INTS9: variants seen among roughly 807,000 people sequenced by gnomAD.
INTS9 encodes the protein integrator complex subunit 9.
A neutral mutation model predicts 79.7 loss-of-function variants in INTS9; 55 were observed. That is an observed-to-expected ratio of 0.69 (90% confidence interval 0.56 to 0.86). The LOEUF (loss-of-function observed/expected upper bound fraction) is 0.86, where lower values mean the gene tolerates loss of function less well. Ranked by LOEUF, INTS9 falls within the 40% of genes least tolerant of loss-of-function variation. The pLI is 0.00. For missense variants in INTS9, 721 were observed against 831.5 expected (o/e 0.87, Z 1.64); for synonymous variants, 319 against 325.2 (o/e 0.98, Z 0.20).
chr8:28,820,801 T>C (rs1805786200), intron 6 of INTS9, among the ~76,000 whole-genome samples: 1 of 152,064 alleles, frequency 6.6e-6, no homozygotes, highest in South Asian at 2.1e-4. Context: ...CATGGGCCAG[T>C]AGTGAGCATT....
intron 8 of INTS9, among the ~76,000 whole-genome samples, chr8:28,799,167 G>T (rs1804379588): frequency 6.6e-6 from 1 of 152,080 alleles, no homozygotes; most frequent in Non-Finnish European, 1.5e-5. Context: ...GTGCTGGCGG[G>T]CACCTGTAAT....
intron 1 of INTS9, among the ~76,000 whole-genome samples, chr8:28,878,411 C>T (rs1341194800): frequency 1.3e-5 from 2 of 151,206 alleles, no homozygotes; most frequent in Non-Finnish European, 2.9e-5. Flanking sequence ...CTCCTGGGCT[C>T]AAGTGGACCT....
chr8:28,875,957 C>T (rs1809360625), intron 1 of INTS9, among the ~76,000 whole-genome samples: 1 of 152,202 alleles, frequency 6.6e-6, no homozygotes, highest in Non-Finnish European at 1.5e-5. Context: ...CAGTCATCAA[C>T]ATAGTCATCA....
chr8:28,777,977 T>G (rs1185669824), intron 12 of INTS9, 24 bp from the exon 13 acceptor site: 10 of 1,592,030 alleles, frequency 6.3e-6, no homozygotes, highest in Non-Finnish European at 8.5e-6. Flanking sequence ...AAGAAAGAAA[T>G]CTTACAATGC....
Position 28,889,911 on chromosome 8 carries a change from C to A in INTS9, c.-29G>T. 6.2e-7 allele frequency: 1 copy of A among 1,605,328 alleles called. No homozygotes were observed. The highest frequency in any genetic ancestry group is 1.1e-5 in the South Asian group (1 of 90,542). ...GGACTTTTGGTGGTTCAATAGCAGT[C>A]ACTGAACTCCTCAAACCCAGGAAGC... is the stretch of plus-strand genomic sequence containing the variant. On this transcript the variant is annotated 5_prime_UTR_variant, in exon 1 of 17. Transcript: ENST00000521022.
At chr8:28,784,368 T>G (rs1335105888) in intron 11 of INTS9, among the ~76,000 whole-genome samples, 1 of 152,200 alleles carries the variant, frequency 6.6e-6, no homozygotes, top group Non-Finnish European at 1.5e-5. Flanking sequence ...CCACAAGATG[T>G]TTTGCCACAC....
intron 5 of INTS9, 123 bp downstream of exon 5, chr8:28,837,514 T>G: frequency 1.9e-6 from 2 of 1,037,290 alleles, no homozygotes; most frequent in Non-Finnish European, 2.7e-6. Flanking sequence ...CTCCTGCCTG[T>G]TCTTTGGGTT....
At chr8:28,802,188 C>T (rs1294077465) in intron 8 of INTS9, among the ~76,000 whole-genome samples, 1 of 152,146 alleles carries the variant, frequency 6.6e-6, no homozygotes, top group Non-Finnish European at 1.5e-5. Context: ...AATTCTAAGC[C>T]AGAGATTCTT....
intron 11 of INTS9, among the ~76,000 whole-genome samples, chr8:28,785,086 T>A (rs948986185): frequency 9.2e-5 from 14 of 152,246 alleles, no homozygotes; most frequent in African/African-American, 3.4e-4. Flanking sequence ...AGGTGAAGCA[T>A]TTTTAGCAGC....
chr8:28,870,075 C>T (rs1284626087), intron 1 of INTS9, among the ~76,000 whole-genome samples: 1 of 152,028 alleles, frequency 6.6e-6, no homozygotes, highest in Non-Finnish European at 1.5e-5. Flanking sequence ...ACATGTTTGG[C>T]TATCTGGAAC....
intron 16 of INTS9, 138 bp downstream of exon 16, chr8:28,769,751 A>T: frequency 8.8e-7 from 1 of 1,138,886 alleles, no homozygotes; most frequent in Non-Finnish European, 1.2e-6. Flanking sequence ...GCAGGACCTT[A>T]GACCAAACAG....
chr8:28,814,618 T>C (rs1422039811), intron 6 of INTS9, among the ~76,000 whole-genome samples: 4 of 152,158 alleles, frequency 2.6e-5, no homozygotes, highest in African/African-American at 9.7e-5. Context: ...TCAGCAGATG[T>C]CCCTTCTCCT....
At chr8:28,862,264 C>T (rs904288206) in intron 1 of INTS9, 4 of 962,362 alleles carry the variant, frequency 4.2e-6, no homozygotes, top group Non-Finnish European at 4.9e-6. Flanking sequence ...TCTACAATCA[C>T]ACCAATCTGA....
At chr8:28,865,195 G>C (rs1249203212) in intron 1 of INTS9, among the ~76,000 whole-genome samples, 1 of 151,998 alleles carries the variant, frequency 6.6e-6, no homozygotes, top group East Asian at 1.9e-4. Flanking sequence ...TGGGGACTGA[G>C]AGTTTTTACA....
chr8:28,795,062 C>T (rs1357291171), intron 9 of INTS9, among the ~76,000 whole-genome samples: 1 of 152,200 alleles, frequency 6.6e-6, no homozygotes, highest in Non-Finnish European at 1.5e-5. Flanking sequence ...ATTAGCATGG[C>T]TAAGTTTAAT....
At chr8:28,826,877 T>C (rs2131131053) in intron 6 of INTS9, among the ~76,000 whole-genome samples, 1 of 152,336 alleles carries the variant, frequency 6.6e-6, no homozygotes, top group Middle Eastern at 3.4e-3. Context: ...ATTTGGTAGT[T>C]ACTCAACAAG....
Position 28,788,977 on chromosome 8 carries a change from A to G in INTS9, c.1038-1088T>C, listed in dbSNP as rs528535688. Reference sequence around the variant, plus strand: ...TTTGAGGGGAGGAGCTCAGGACTTCAGGGCTTGGATTTTGTATTAATACAT... The same window carrying G: ...TTTGAGGGGAGGAGCTCAGGACTTCGGGGCTTGGATTTTGTATTAATACAT... On this transcript the variant is annotated intron_variant, in intron 10 of 16. Transcript: ENST00000521022. Among the ~76,000 whole-genome samples, 3 of 152,334 alleles carry G rather than the reference A, an allele frequency of 2.0e-5. No individual in the cohort carries two copies. In the South Asian group the frequency reaches 6.2e-4, roughly 32 times the overall value.
chr8:28,816,049 A>C (rs1805451292), intron 6 of INTS9, among the ~76,000 whole-genome samples: 2 of 152,158 alleles, frequency 1.3e-5, no homozygotes, highest in Non-Finnish European at 2.9e-5. Context: ...GTTTAATATT[A>C]GAAAAAAATA....
intron 1 of INTS9, among the ~76,000 whole-genome samples, chr8:28,869,746 T>C (rs1480785831): frequency 6.6e-6 from 1 of 152,194 alleles, no homozygotes; most frequent in South Asian, 2.1e-4. Flanking sequence ...ACTGTCAAAC[T>C]GACTACACAG....
Sources: gnomAD v4.1 joint callset for allele counts (sites outside exome capture counted in the v4.1 genomes callset) on GRCh38, gnomAD v4.1.1 for gene constraint, MANE v1.5 for transcripts, NCBI Gene and HGNC (gene_info 2026-07-23, HGNC 2026-07-21) for gene names.